APLF: variants seen among roughly 807,000 people sequenced by gnomAD.
APLF encodes the protein aprataxin and PNK-like factor.
In APLF, 61 loss-of-function variants were observed where a neutral mutation model predicts 55.6. That is an observed-to-expected ratio of 1.10 (90% confidence interval 0.89 to 1.36). The LOEUF (loss-of-function observed/expected upper bound fraction) is 1.36. Among genes scored for constraint, APLF ranks in the 40% most tolerant of loss-of-function variants. The probability of loss-of-function intolerance (pLI) is 0.00; values close to 1 mark genes in which losing one functional copy is unlikely to be tolerated. For missense variants in APLF, 611 were observed against 602.5 expected (o/e 1.01, Z -0.15); for synonymous variants, 207 against 214.8 (o/e 0.96, Z 0.32).
intron 1 of APLF, among the ~76,000 whole-genome samples, chr2:68,480,449 G>A (rs111602133): frequency 0.014 from 2,073 of 151,836 alleles, 43 homozygotes; most frequent in African/African-American, 0.046. Context: ...GATTACAGGC[G>A]CCCACCACCA....
At chr2:68,536,679 C>G (rs1018181925) in intron 6 of APLF, among the ~76,000 whole-genome samples, 1 of 152,070 alleles carries the variant, frequency 6.6e-6, no homozygotes, top group Non-Finnish European at 1.5e-5. Flanking sequence ...TTATTTGGTT[C>G]AAAGCACCTT....
rs201971708 is a variant in APLF, at chr2:68,528,638, G to A, written c.804+2396G>A. On this transcript the variant is annotated intron_variant, in intron 6 of 9. Transcript: ENST00000303795. ...GTCTTTACCCAGCACCTTCAAGGCC[G>A]CCTTCTCTGGCCACAGGGAGCAGCC... 362 of 1,526,752 alleles carry A rather than the reference G, an allele frequency of 2.4e-4. No individual in the cohort carries two copies. In the East Asian group the frequency reaches 5.3e-3, roughly 22 times the overall value. 94.6% of individuals were successfully genotyped at this position (1,526,752 alleles called of 1,614,324 possible).
intron 1 of APLF, among the ~76,000 whole-genome samples, chr2:68,469,755 A>G (rs887392628): frequency 3.3e-5 from 5 of 152,178 alleles, no homozygotes; most frequent in African/African-American, 1.2e-4. Flanking sequence ...TTATTTTTGT[A>G]TTGTGAGAGA....
intron 3 of APLF, among the ~76,000 whole-genome samples, chr2:68,509,915 G>T (rs1355377080): frequency 1.3e-5 from 2 of 151,834 alleles, no homozygotes; most frequent in African/African-American, 4.8e-5. Context: ...CATGTCCTTT[G>T]TAGGGACATG....
intron 3 of APLF, among the ~76,000 whole-genome samples, chr2:68,509,268 A>G (rs973140778): frequency 6.6e-5 from 10 of 152,144 alleles, no homozygotes; most frequent in African/African-American, 1.9e-4. Context: ...AGAAACTACC[A>G]TCAGAGTGAA....
chr2:68,511,286 T>C (rs1573195876), intron 3 of APLF, among the ~76,000 whole-genome samples: 1 of 151,790 alleles, frequency 6.6e-6, no homozygotes, highest in African/African-American at 2.4e-5. Context: ...GTAGTGATGC[T>C]TTATAAATCC....
chr2:68,535,465 C>A, intron 6 of APLF: 1 of 209,138 alleles, frequency 4.8e-6, no homozygotes, highest in Non-Finnish European at 1.1e-5. Context: ...TTTTTAAAAG[C>A]TAAATGGTAC....
chr2:68,550,997 T>A (rs1342311971), intron 8 of APLF, among the ~76,000 whole-genome samples: 1 of 152,146 alleles, frequency 6.6e-6, no homozygotes, highest in Admixed American at 6.6e-5. Flanking sequence ...TCCTTTTCTT[T>A]TAGTTTTAAA....
chr2:68,512,391 T>C lies in APLF; in HGVS notation c.342-689T>C, dbSNP rs148906632. Among the ~76,000 whole-genome samples, 792 of 151,932 alleles carry C rather than the reference T, an allele frequency of 5.2e-3. 2 individuals carry two copies. The highest frequency in any genetic ancestry group is 8.3e-3 in the Admixed American group (126 of 15,212). On this transcript the variant is annotated intron_variant, in intron 3 of 9. Transcript: ENST00000303795. ...CACATCAGTAGTTCATTCCTTGTTATTTCTGAGTAGTGTTTCATCTATAGT... is the reference window on the plus strand; with the variant it reads ...CACATCAGTAGTTCATTCCTTGTTACTTCTGAGTAGTGTTTCATCTATAGT...
chr2:68,467,616 G>A lies in APLF; in HGVS notation c.-116G>A. Reference sequence around the variant, plus strand: ...ACCGGCGCAGCCGCGGGGAGCCTTTGAGGCCCTCCCTCGGTGTTTTTTCCC... The same window carrying A: ...ACCGGCGCAGCCGCGGGGAGCCTTTAAGGCCCTCCCTCGGTGTTTTTTCCC... On this transcript the variant is annotated 5_prime_UTR_variant, in exon 1 of 10. Coordinates refer to ENST00000303795, the MANE Select transcript of APLF (RefSeq NM_173545.3). 1.2e-6 allele frequency: 1 copy of A among 863,902 alleles called. No individual in the cohort carries two copies. Among genetic ancestry groups the A allele is most frequent in the Non-Finnish European group, 1.5e-6 (1 of 650,528 alleles). The allele number at this position is 863,902 out of a possible 1,614,324, so 53.5% of individuals were successfully genotyped here.
At chr2:68,546,563 T>A (rs1363887411) in intron 8 of APLF, among the ~76,000 whole-genome samples, 1 of 151,874 alleles carries the variant, frequency 6.6e-6, no homozygotes, top group Admixed American at 6.6e-5. Flanking sequence ...AAGGAAAATA[T>A]AATATGACCA....
Position 68,578,399 on chromosome 2 carries a change from C to G in APLF, c.*377C>G. On this transcript the variant is annotated 3_prime_UTR_variant, in exon 10 of 10. Coordinates refer to ENST00000303795, the MANE Select transcript of APLF (RefSeq NM_173545.3). ...GGAGTACTCTGCAAGTATAACCAGG[C>G]AAAGTACATGAAAACATGCCTCTTT... The G allele has an allele frequency of 1.0e-6, 1 of 995,608 alleles. No homozygotes were observed. Among genetic ancestry groups the G allele is most frequent in the Non-Finnish European group, 1.2e-6 (1 of 836,298 alleles). 61.7% of individuals were successfully genotyped at this position (995,608 alleles called of 1,614,324 possible).
chr2:68,472,824 A>T (rs926182619), intron 1 of APLF, among the ~76,000 whole-genome samples: 1 of 152,138 alleles, frequency 6.6e-6, no homozygotes, highest in Non-Finnish European at 1.5e-5. Context: ...ACTTTTACAA[A>T]CATTGTTTTT....
chr2:68,496,177 C>G (rs1558531817), intron 2 of APLF, among the ~76,000 whole-genome samples: 1 of 152,246 alleles, frequency 6.6e-6, no homozygotes, highest in African/African-American at 2.4e-5. Context: ...TTTCAGCTCA[C>G]TGCAACCTCC....
chr2:68,574,392 T>C (rs1321276697), intron 9 of APLF, among the ~76,000 whole-genome samples: 1 of 152,204 alleles, frequency 6.6e-6, no homozygotes, highest in Non-Finnish European at 1.5e-5. Context: ...GATAATCACA[T>C]GTCAGCATTT....
chr2:68,564,738 A>G (rs1434999126), intron 8 of APLF, among the ~76,000 whole-genome samples: 1 of 152,064 alleles, frequency 6.6e-6, no homozygotes, highest in East Asian at 1.9e-4. Context: ...CTTTCTGACT[A>G]TAGTCACTAA....
intron 1 of APLF, among the ~76,000 whole-genome samples, chr2:68,476,345 T>C (rs1675773071): frequency 6.6e-6 from 1 of 151,944 alleles, no homozygotes; most frequent in African/African-American, 2.4e-5. Flanking sequence ...CAGCCGGCTG[T>C]GGTGGTGCAC....
intron 1 of APLF, among the ~76,000 whole-genome samples, chr2:68,477,586 G>T (rs1675818639): frequency 6.6e-6 from 1 of 152,206 alleles, no homozygotes; most frequent in African/African-American, 2.4e-5. Context: ...GCAGCAGTGA[G>T]CCATGACTGC....
chr2:68,576,085 T>G (rs773788261), intron 9 of APLF, among the ~76,000 whole-genome samples: 6 of 152,140 alleles, frequency 3.9e-5, no homozygotes, highest in Non-Finnish European at 7.4e-5. Flanking sequence ...TTTATATCTG[T>G]TTTTCTTGTA....
Sources: gnomAD v4.1 joint callset for allele counts (sites outside exome capture counted in the v4.1 genomes callset) on GRCh38, gnomAD v4.1.1 for gene constraint, MANE v1.5 for transcripts, NCBI Gene and HGNC (gene_info 2026-07-23, HGNC 2026-07-21) for gene names.